The following GRM7 variants were observed in gnomAD, a reference collection of about 807,000 sequenced individuals.
GRM7 encodes metabotropic glutamate receptor 7.
GRM7 carries 35 observed loss-of-function variants against 84.5 expected under a neutral mutation model. That is an observed-to-expected ratio of 0.41 (90% CI 0.32 to 0.55). GRM7 has a LOEUF of 0.55. Ranked by LOEUF, GRM7 falls within the 20% of genes least tolerant of loss-of-function variation. The pLI is 0.19. For synonymous variants in GRM7, 487 were observed against 455.1 expected, an observed-to-expected ratio of 1.07 and a Z score of -0.89; for missense variants, 1,003 against 1,194.6, an observed-to-expected ratio of 0.84 and a Z score of 2.36.
At chr3:7,412,688 T>C (rs1695993319) in intron 4 of GRM7, among the ~76,000 whole-genome samples, 1 of 152,188 alleles carries the variant, frequency 6.6e-6, no homozygotes, top group African/African-American at 2.4e-5. Context: ...GCTCAACATG[T>C]AACCAATGGG....
rs1292156160 is a variant in GRM7 at position 7,618,733 on chromosome 3, T to C, written c.2451+39376T>C. Among the ~76,000 whole-genome samples, 3 of 152,112 alleles carry C rather than the reference T, an allele frequency of 2.0e-5. No individual in the cohort carries two copies. In the East Asian group the frequency reaches 5.8e-4, roughly 29 times the overall value. On this transcript the variant is annotated intron_variant, in intron 8 of 9. Coordinates refer to ENST00000357716, the MANE Select transcript of GRM7 (RefSeq NM_000844.4). ...TCTTTCCCAGAAGCTGTCAAGCAAT[T>C]GCTCAATCTGCTCACTCCTTTAGGA...
At chr3:7,056,632 G>T (rs903839805) in intron 1 of GRM7, among the ~76,000 whole-genome samples, 1 of 151,970 alleles carries the variant, frequency 6.6e-6, no homozygotes, top group Non-Finnish European at 1.5e-5. Context: ...TACTACGGAA[G>T]ATAACTACTC....
At chr3:7,524,982 G>T (rs1700734465) in intron 7 of GRM7, among the ~76,000 whole-genome samples, 1 of 149,792 alleles carries the variant, frequency 6.7e-6, no homozygotes, top group African/African-American at 2.5e-5. Flanking sequence ...GGATGAAATT[G>T]GAAATCATCA....
rs565627834 is a variant in GRM7, at chr3:7,088,482, A to AT, written c.520-57960dup. On this transcript the variant is annotated intron_variant, in intron 1 of 9. Transcript: ENST00000357716. ...TGACTCTAGATGGGATATTATCTAA[A>AT]TTTTTTTTTTCTTTTAAAATGGCTA... is the stretch of plus-strand genomic sequence containing the variant. 3.7e-3 allele frequency among the ~76,000 whole-genome samples: 551 copies of AT among 149,416 alleles called. 5 individuals carry two copies. The highest frequency in any genetic ancestry group is 0.023 in the South Asian group (106 of 4,688).
At chr3:7,125,036 T>G (rs991473910) in intron 1 of GRM7, among the ~76,000 whole-genome samples, 2 of 152,082 alleles carry the variant, frequency 1.3e-5, no homozygotes, top group Admixed American at 1.3e-4. Context: ...GCCACCTGGG[T>G]TCAAGTGATT....
intron 3 of GRM7, among the ~76,000 whole-genome samples, chr3:7,303,048 C>T (rs993810777): frequency 6.7e-6 from 1 of 148,934 alleles, no homozygotes; most frequent in Non-Finnish European, 1.5e-5. Context: ...TCATGCCATT[C>T]TCCTGCCTCA....
intron 2 of GRM7, among the ~76,000 whole-genome samples, chr3:7,220,256 T>C (rs2124872492): frequency 6.6e-6 from 1 of 152,308 alleles, no homozygotes; most frequent in South Asian, 2.1e-4. Flanking sequence ...AACTTTACAG[T>C]GGAGAAACCT....
At chr3:6,896,215 C>T (rs1313866241) in intron 1 of GRM7, among the ~76,000 whole-genome samples, 1 of 151,976 alleles carries the variant, frequency 6.6e-6, no homozygotes, top group Non-Finnish European at 1.5e-5. Flanking sequence ...GAAAGTATTC[C>T]CACGCCTGCC....
chr3:7,367,423 G>T (rs1044702251), intron 4 of GRM7, among the ~76,000 whole-genome samples: 11 of 151,794 alleles, frequency 7.2e-5, no homozygotes, highest in African/African-American at 2.2e-4. Flanking sequence ...CCAACAAGAA[G>T]CAATATTTCT....
At position 7,373,105 on chromosome 3, in the gene GRM7, C is replaced by G. The variant is rs139553072; in HGVS notation, c.1034-41918C>G. On this transcript the variant is annotated intron_variant, in intron 4 of 9. Coordinates refer to ENST00000357716, the MANE Select transcript of GRM7 (RefSeq NM_000844.4). The stretch of plus-strand genomic sequence containing the variant: ...ACTGTTTTATTCTCTTTCAAGGACA[C>G]TCAGTATGAAGTTACACAGTTCAAA... Among the ~76,000 whole-genome samples, 17 of 152,214 alleles carry G rather than the reference C, an allele frequency of 1.1e-4. No individual in the cohort carries two copies. In the East Asian group the frequency reaches 3.3e-3, roughly 30 times the overall value.
chr3:7,412,794 C>T (rs1695998336), intron 4 of GRM7, among the ~76,000 whole-genome samples: 1 of 151,566 alleles, frequency 6.6e-6, no homozygotes, highest in Non-Finnish European at 1.5e-5. Flanking sequence ...CCATCTGCCC[C>T]TTATAAAAGA....
intron 8 of GRM7, among the ~76,000 whole-genome samples, chr3:7,581,462 T>C (rs3804898): frequency 0.23 from 34,667 of 152,078 alleles, 4,811 homozygotes; most frequent in Non-Finnish European, 0.29. Context: ...AATTATTACA[T>C]GAAAATGCAC....
intron 2 of GRM7, among the ~76,000 whole-genome samples, chr3:7,279,875 A>G (rs1699197183): frequency 6.6e-6 from 1 of 152,156 alleles, no homozygotes; most frequent in Non-Finnish European, 1.5e-5. Flanking sequence ...CCGGCCAGTT[A>G]TGGTTAAGAT....
intron 2 of GRM7, among the ~76,000 whole-genome samples, chr3:7,284,012 ACAG>A (rs1350548442): frequency 1.3e-5 from 2 of 152,222 alleles, no homozygotes; most frequent in Non-Finnish European, 2.9e-5. Context: ...TATAACTGGA[ACAG>A]CAGTGTCAAT....
chr3:7,628,658 A>C (rs2125094329), intron 8 of GRM7, among the ~76,000 whole-genome samples: 1 of 152,302 alleles, frequency 6.6e-6, no homozygotes, highest in Non-Finnish European at 1.5e-5. Context: ...TGGGAGTCCA[A>C]AAAGCCTTCC....
intron 4 of GRM7, among the ~76,000 whole-genome samples, chr3:7,360,106 G>A (rs547525899): frequency 1.4e-5 from 2 of 145,070 alleles, no homozygotes; most frequent in East Asian, 2.0e-4. Context: ...AAGCATAAGG[G>A]TATCTCTTTC....
At chr3:7,127,229 C>T (rs1489089151) in intron 1 of GRM7, among the ~76,000 whole-genome samples, 1 of 152,188 alleles carries the variant, frequency 6.6e-6, no homozygotes, top group Non-Finnish European at 1.5e-5. Flanking sequence ...TTGACAGCGT[C>T]ACACCTTTCT....
At chr3:7,650,175 T>G (rs1223009999) in intron 8 of GRM7, among the ~76,000 whole-genome samples, 1 of 151,746 alleles carries the variant, frequency 6.6e-6, no homozygotes, top group Non-Finnish European at 1.5e-5. Flanking sequence ...TGCTATTAAG[T>G]AACATTAGTG....
At chr3:7,736,796 T>C (rs148835379) in intron 9 of GRM7, among the ~76,000 whole-genome samples, 2,776 of 152,304 alleles carry the variant, frequency 0.018, 34 homozygotes, top group Middle Eastern at 0.031. Flanking sequence ...ATTTTGTTTT[T>C]ATCCTTTTTG....
Sources: gnomAD v4.1 joint callset for allele counts (sites outside exome capture counted in the v4.1 genomes callset) on GRCh38, gnomAD v4.1.1 for gene constraint, MANE v1.5 for transcripts, NCBI Gene and HGNC (gene_info 2026-07-23, HGNC 2026-07-21) for gene names.